Variants in AGL observed in about 807,000 individuals in gnomAD.
The protein encoded by AGL is glycogen debranching enzyme.
AGL carries 128 observed loss-of-function variants against 199.3 expected under a neutral mutation model. The ratio of observed to expected loss-of-function variants is 0.64; its 90% CI spans 0.56 to 0.74. The LOEUF (loss-of-function observed/expected upper bound fraction) is 0.74. Ranked by LOEUF, AGL falls within the 30% of genes least tolerant of loss-of-function variation. AGL has a pLI of 0.00. For synonymous variants in AGL, 584 were observed against 594.7 expected (o/e 0.98, Z 0.26); for missense variants, 1,809 against 1,820.8 (o/e 0.99, Z 0.12).
chr1:99,887,914 T>C, intron 20 of AGL, 64 bp from the exon 21 acceptor site: 1 of 1,580,564 alleles, frequency 6.3e-7, no homozygotes, highest in Non-Finnish European at 8.7e-7. Context: ...GATTTTCTTC[T>C]TTTGTTTCTA....
At chr1:99,879,869 CT>C in intron 12 of AGL, 53 bp from the exon 13 acceptor site, 2 of 1,480,824 alleles carry the variant, frequency 1.4e-6, no homozygotes, top group Non-Finnish European at 1.9e-6. Context: ...TCCTATCTTG[CT>C]TTTCTCTTTC....
intron 27 of AGL, among the ~76,000 whole-genome samples, chr1:99,908,470 C>T (rs931011164): frequency 3.3e-5 from 5 of 151,978 alleles, no homozygotes; most frequent in Non-Finnish European, 7.4e-5. Flanking sequence ...TGTTCTTTTT[C>T]TAGATTGTTT....
chr1:99,903,117 G>C (rs899611316), intron 27 of AGL, among the ~76,000 whole-genome samples: 2 of 152,046 alleles, frequency 1.3e-5, no homozygotes, highest in Non-Finnish European at 2.9e-5. Flanking sequence ...AAAACATTGA[G>C]AATGAGTGAT....
At chr1:99,852,539 T>G (rs1218165185) in intron 2 of AGL, 1 of 501,394 alleles carries the variant, frequency 2.0e-6, no homozygotes, top group Non-Finnish European at 3.6e-6. Flanking sequence ...CCCGCTAATT[T>G]TTTTTTTTTT....
intron 24 of AGL, among the ~76,000 whole-genome samples, chr1:99,894,967 A>G (rs907346539): frequency 3.3e-5 from 5 of 152,224 alleles, no homozygotes; most frequent in African/African-American, 7.2e-5. Context: ...TGCTTTTAAG[A>G]TAGTTATAAG....
intron 26 of AGL, among the ~76,000 whole-genome samples, chr1:99,901,382 TAA>T (rs58305886): frequency 0.16 from 17,155 of 107,610 alleles, 1,232 homozygotes; most frequent in Middle Eastern, 0.24. Context: ...TCAGTCTCTT[TAA>T]AAAAAAAAAA....
chr1:99,923,404 G>A lies in AGL; in HGVS notation c.*1753G>A, dbSNP rs544503630. 4 of 152,110 alleles carry A rather than the reference G, an allele frequency of 2.6e-5. No homozygotes were observed. Among genetic ancestry groups the A allele is most frequent in the Non-Finnish European group, 1.5e-5 (1 of 67,990 alleles). 9.4% of individuals were successfully genotyped at this position (152,110 alleles called of 1,614,324 possible). On this transcript the variant is annotated 3_prime_UTR_variant, in exon 34 of 34. Coordinates refer to ENST00000361915, the MANE Select transcript of AGL (RefSeq NM_000642.3). ...CAGAAAACCAGCATATTTAATCAAA[G>A]CAAGAAGTAATCGCTGACAGTTAAA...
At chr1:99,896,966 G>A (rs773918055) in intron 25 of AGL, among the ~76,000 whole-genome samples, 7 of 152,022 alleles carry the variant, frequency 4.6e-5, no homozygotes, top group Non-Finnish European at 8.8e-5. Context: ...ACAGGCGCCC[G>A]CCACCACGCC....
rs1471509808 is a variant in AGL at position 99,870,976 on chromosome 1, T to C, written c.958+107T>C. ...CATTATTAAATATGTCATTGTATTA[T>C]ATTTGTGTTATTGTTGATATTATAA... On this transcript the variant is annotated intron_variant, in intron 7 of 33. Transcript: ENST00000361915. 8.3e-6 allele frequency: 6 copies of C among 720,054 alleles called. No homozygotes were observed. The East Asian group carries it at 8.4e-5, about 10-fold the overall frequency. 44.6% of individuals were successfully genotyped at this position (720,054 alleles called of 1,614,324 possible).
chr1:99,905,193 G>A (rs1654168469), intron 27 of AGL, among the ~76,000 whole-genome samples: 2 of 151,852 alleles, frequency 1.3e-5, no homozygotes, highest in Non-Finnish European at 2.9e-5. Context: ...ACTACAAACT[G>A]TGTGTGGTGG....
chr1:99,876,666 C>T, intron 11 of AGL, 69 bp downstream of exon 11: 1 of 1,553,646 alleles, frequency 6.4e-7, no homozygotes, highest in African/African-American at 1.4e-5. Context: ...ATAAAATCTG[C>T]TTTACTGATT....
chr1:99,868,126 TG>T (rs772683496), intron 5 of AGL, among the ~76,000 whole-genome samples: 4 of 152,236 alleles, frequency 2.6e-5, no homozygotes, highest in Non-Finnish European at 5.9e-5. Flanking sequence ...AGTTTCTTAC[TG>T]TATCACTCCA....
intron 2 of AGL, among the ~76,000 whole-genome samples, chr1:99,857,044 A>T (rs1481140514): frequency 6.6e-6 from 1 of 150,428 alleles, no homozygotes; most frequent in Admixed American, 6.6e-5. Flanking sequence ...CACCTCCCGG[A>T]TGGGGCGGCT....
At position 99,884,661 on chromosome 1, in the gene AGL, C is replaced by T; in HGVS notation, c.2639C>T (p.Ala880Val). ...CCTCACTTTAAATCTGGCAGCCTAG[C>T]TGTTGACAATGCAGATCCTATATTA... ...FSPHFKSGSL[A>V]VDNADPILKI... Residue 880 changes from alanine to valine, a missense_variant, in exon 20 of 34, where the codon GCT becomes GTT. Ala to Val is a moderately conservative substitution (Grantham distance 64, BLOSUM62 0). Transcript: ENST00000361915. 6.2e-7 allele frequency: 1 copy of T among 1,613,998 alleles called. No individual in the cohort carries two copies. Among genetic ancestry groups the T allele is most frequent in the Non-Finnish European group, 8.5e-7 (1 of 1,179,924 alleles).
intron 26 of AGL, among the ~76,000 whole-genome samples, chr1:99,901,554 C>G (rs1272818572): frequency 3.3e-5 from 5 of 152,056 alleles, no homozygotes; most frequent in Non-Finnish European, 7.4e-5. Flanking sequence ...AGGATACCTG[C>G]AGGGTAGTAA....
intron 12 of AGL, 63 bp from the exon 13 acceptor site, chr1:99,879,860 C>T: frequency 7.2e-7 from 1 of 1,395,342 alleles, no homozygotes; most frequent in East Asian, 2.3e-5. Flanking sequence ...TTTCCTTCCT[C>T]CTATCTTGCT....
At chr1:99,864,258 C>CT in intron 4 of AGL, 128 bp from the exon 5 acceptor site, 1 of 856,018 alleles carries the variant, frequency 1.2e-6, no homozygotes, top group Non-Finnish European at 1.9e-6. Context: ...TGTTTGACCT[C>CT]TTTTCCAGTA....
chr1:99,857,809 G>GAGGGGGGAGAGGGAGACCGTGGGGAGGGC, intron 2 of AGL, among the ~76,000 whole-genome samples: 1 of 141,586 alleles, frequency 7.1e-6, no homozygotes, highest in Non-Finnish European at 1.6e-5. Context: ...GTGGGGAGGG[G>GAGGGGGGAGAGGGAGACCGTGGGGAGGGC]GAGGGGGGAG....
chr1:99,861,246 A>G, intron 2 of AGL: 4 of 1,331,350 alleles, frequency 3.0e-6, no homozygotes, highest in Non-Finnish European at 3.9e-6. Flanking sequence ...TGCTATGTGA[A>G]TAGGAATGCG....
Sources: gnomAD v4.1 joint callset for allele counts (sites outside exome capture counted in the v4.1 genomes callset) on GRCh38, gnomAD v4.1.1 for gene constraint, MANE v1.5 for transcripts, NCBI Gene and HGNC (gene_info 2026-07-23, HGNC 2026-07-21) for gene names.